The following ATRX variants were observed in gnomAD, a reference collection of about 807,000 sequenced individuals.
ATRX encodes the protein ATRX chromatin remodeler, also known as chromatin remodeler ATRX.
Under a neutral mutation model 172.6 loss-of-function variants are expected in ATRX, and 12 were observed. That is an observed-to-expected ratio of 0.07 (90% CI 0.04 to 0.11). The LOEUF is 0.11. Among genes scored for constraint, ATRX ranks in the 10% least tolerant of loss-of-function variants. The pLI, the probability that ATRX is intolerant of heterozygous loss-of-function variation, is 1.00. For synonymous variants in ATRX, 674 were observed against 594.7 expected (o/e 1.13, Z -1.94); for missense variants, 1,368 against 1,767.4 (o/e 0.77, Z 4.05).
chrX:77,682,257 T>C lies in ATRX; in HGVS notation c.2999A>G (p.Lys1000Arg), dbSNP rs1557138392. 1 of 1,206,135 alleles carries C rather than the reference T, an allele frequency of 8.3e-7. No individual in the cohort carries two copies. The highest frequency in any genetic ancestry group is 2.2e-5 in the Admixed American group (1 of 45,125). ...EEKKKPSDFK[K>R]KVIKMEQQYE... is the part of the protein sequence containing the mutation. Reference sequence around the variant, plus strand: ...CTGTTGTTCCATTTTAATTACTTTTTTCTTAAAGTCTGAAGGTTTCTTTTT... The same window carrying C: ...CTGTTGTTCCATTTTAATTACTTTTCTCTTAAAGTCTGAAGGTTTCTTTTT... The change falls in exon 9 of 35, where the codon AAA becomes AGA. Residue 1000 changes from lysine (K) to arginine (R), a missense_variant. Coordinates refer to ENST00000373344, the MANE Select transcript of ATRX (RefSeq NM_000489.6).
At chrX:77,701,035 T>G (rs1464491509) in intron 2 of ATRX, among the ~76,000 whole-genome samples, 1 of 112,002 alleles carries the variant, frequency 8.9e-6, no homozygotes, top group South Asian at 3.7e-4. Flanking sequence ...ACATAAACTA[T>G]GCATTTGGGG....
At chrX:77,562,630 G>A (rs1019546353) in intron 28 of ATRX, among the ~76,000 whole-genome samples, 25 of 111,782 alleles carry the variant, frequency 2.2e-4, no homozygotes, top group Non-Finnish European at 3.8e-4. Context: ...CTGCAACCTC[G>A]AATTCCTGGG....
chrX:77,710,261 T>C (rs1389929498), intron 2 of ATRX, among the ~76,000 whole-genome samples: 2 of 106,553 alleles, frequency 1.9e-5, no homozygotes, highest in Non-Finnish European at 3.9e-5. Context: ...ATCATGCCAC[T>C]GCCCTCTAGC....
chrX:77,577,188 A>C (rs1557070886), intron 27 of ATRX, among the ~76,000 whole-genome samples: 1 of 111,463 alleles, frequency 9.0e-6, no homozygotes, highest in African/African-American at 3.3e-5. Flanking sequence ...TTTTTGAGGA[A>C]CACCACACTG....
intron 30 of ATRX, among the ~76,000 whole-genome samples, chrX:77,525,860 CAATTAT>C (rs1403904744): frequency 8.9e-6 from 1 of 112,214 alleles, no homozygotes; most frequent in East Asian, 2.8e-4. Flanking sequence ...ATTTATTTCT[CAATTAT>C]AAACAACACA....
At chrX:77,705,815 G>A (rs1047053802) in intron 2 of ATRX, among the ~76,000 whole-genome samples, 2 of 112,119 alleles carry the variant, frequency 1.8e-5, no homozygotes, top group African/African-American at 3.2e-5. Flanking sequence ...TCCTAATTTT[G>A]CCAGTACTGC....
At chrX:77,595,914 A>C (rs940020496) in intron 25 of ATRX, 3 of 111,741 alleles carry the variant, frequency 2.7e-5, no homozygotes, top group Non-Finnish European at 5.6e-5. Context: ...TTACCAATGA[A>C]GCTTACTCTA....
intron 22 of ATRX, chrX:77,615,937 G>A (rs1329018338): frequency 1.3e-6 from 1 of 746,391 alleles, no homozygotes; most frequent in Non-Finnish European, 1.6e-6. Context: ...TGATCAACAA[G>A]TAAGAAATCT....
At chrX:77,580,589 A>G (rs2148046516) in intron 27 of ATRX, among the ~76,000 whole-genome samples, 1 of 111,985 alleles carries the variant, frequency 8.9e-6, no homozygotes, top group Non-Finnish European at 1.9e-5. Context: ...ATAAAAGAAA[A>G]ATAAAAACTT....
chrX:77,510,952 C>T (rs952945635), intron 34 of ATRX, among the ~76,000 whole-genome samples: 1 of 112,521 alleles, frequency 8.9e-6, no homozygotes, highest in South Asian at 3.7e-4. Context: ...CAAACAAAGG[C>T]GGAGGCCAGT....
At position 77,574,308 on chromosome X, in the gene ATRX, T is replaced by C; in HGVS notation, c.6268A>G (p.Thr2090Ala). 8.3e-7 allele frequency: 1 copy of C among 1,208,960 alleles called. No homozygotes were observed. Among genetic ancestry groups the C allele is most frequent in the Non-Finnish European group, 1.1e-6 (1 of 893,190 alleles). Residue 2090 changes from threonine (T) to alanine (A), a missense_variant, in exon 28 of 35, where the codon ACT (threonine) becomes GCT (alanine). Physicochemically the swap from Thr to Ala is moderately conservative, Grantham distance 58. Coordinates refer to ENST00000373344, the MANE Select transcript of ATRX (RefSeq NM_000489.6). ...CACTTCTTCCTTGACTGTGCAGTAG[T>C]GGAACCATCTAAACGGTAATAGTCA... ...NIDYYRLDGS[T>A]TAQSRKKWAE...
intron 28 of ATRX, among the ~76,000 whole-genome samples, chrX:77,568,940 G>A (rs782695941): frequency 9.0e-6 from 1 of 110,984 alleles, no homozygotes; most frequent in African/African-American, 3.3e-5. Context: ...AGAATAGAGG[G>A]GAACCACCTC....
intron 1 of ATRX, among the ~76,000 whole-genome samples, chrX:77,732,840 C>T: frequency 9.0e-6 from 1 of 111,596 alleles, no homozygotes; most frequent in African/African-American, 3.3e-5. Flanking sequence ...AACTGAACGC[C>T]TTTCCTCTAA....
At chrX:77,681,369 A>G (rs1603213213) in intron 9 of ATRX, 151 bp downstream of exon 9, 1 of 535,358 alleles carries the variant, frequency 1.9e-6, no homozygotes. Context: ...ATAAATAGGG[A>G]AACTTTTTTT....
At chrX:77,573,415 A>G (rs1375125260) in intron 28 of ATRX, among the ~76,000 whole-genome samples, 1 of 111,806 alleles carries the variant, frequency 8.9e-6, no homozygotes, top group East Asian at 2.8e-4. Context: ...GTTAAGCAAC[A>G]TATGACTATA....
At position 77,506,364 on chromosome X, in the gene ATRX, G is replaced by A. The variant is rs1557032978; in HGVS notation, c.*1987C>T. On this transcript the variant is annotated 3_prime_UTR_variant, in exon 35 of 35. Coordinates refer to ENST00000373344, the MANE Select transcript of ATRX (RefSeq NM_000489.6). ...TCTGATTTCCAATTAACCCTTCTAA[G>A]TATTATTCTTTAAGTTATAGTTTCA... is the stretch of plus-strand genomic sequence containing the variant. 5.8e-6 allele frequency: 1 copy of A among 171,772 alleles called. No individual in the cohort carries two copies. The highest frequency in any genetic ancestry group is 1.1e-5 in the Non-Finnish European group (1 of 89,981). 14.2% of individuals were successfully genotyped at this position (171,772 alleles called of 1,213,427 possible).
Position 77,538,922 on chromosome X carries a change from G to A in ATRX, c.6700-15521C>T, listed in dbSNP as rs2147842146. On this transcript the variant is annotated intron_variant, in intron 30 of 34. Coordinates refer to ENST00000373344, the MANE Select transcript of ATRX (RefSeq NM_000489.6). ...TTTTTTTTTTTTTTTTTGATACAGA[G>A]TCTCACTCTGTCGCCAGGCTGGAGT... Among the ~76,000 whole-genome samples, 2 of 100,085 alleles carry A rather than the reference G, an allele frequency of 2.0e-5. 1 individual carries two copies. Among genetic ancestry groups the A allele is most frequent in the Admixed American group, 2.2e-4 (2 of 9,016 alleles). 86.9% of individuals were successfully genotyped at this position (100,085 alleles called of 115,157 possible). A position where few individuals can be genotyped will look rare whatever the true frequency, so the allele number is the denominator to read the frequency against.
At chrX:77,604,967 A>G (rs1434530551) in intron 22 of ATRX, among the ~76,000 whole-genome samples, 1 of 112,184 alleles carries the variant, frequency 8.9e-6, no homozygotes, top group Non-Finnish European at 1.9e-5. Flanking sequence ...ATGGATGTAG[A>G]GTGTGGAATG....
intron 28 of ATRX, among the ~76,000 whole-genome samples, chrX:77,572,477 T>C (rs1368978865): frequency 9.0e-6 from 1 of 111,630 alleles, no homozygotes; most frequent in Non-Finnish European, 1.9e-5. Context: ...AATGACATGC[T>C]TTTTGGCATA....
Sources: gnomAD v4.1 joint callset for allele counts (sites outside exome capture counted in the v4.1 genomes callset) on GRCh38, gnomAD v4.1.1 for gene constraint, MANE v1.5 for transcripts, NCBI Gene and HGNC (gene_info 2026-07-23, HGNC 2026-07-21) for gene names.